NCOR1: variants seen among roughly 807,000 people sequenced by gnomAD.
NCOR1 encodes the protein protein phosphatase 1, regulatory subunit 109.
Under a neutral mutation model 288.1 loss-of-function variants are expected in NCOR1, and 63 were observed. The observed-to-expected ratio is 0.22, with a 90% CI of 0.18 to 0.27. NCOR1 has a LOEUF of 0.27. Ranked by LOEUF, NCOR1 falls within the 10% of genes least tolerant of loss-of-function variation. The pLI is 1.00. For synonymous variants in NCOR1, 1,007 were observed against 1,065.9 expected (o/e 0.94, Z 1.08); for missense variants, 2,397 against 3,019.2 (o/e 0.79, Z 4.83).
chr17:16,086,547 T>C (rs1366190460), intron 22 of NCOR1, 105 bp from the exon 23 acceptor site: 1 of 1,031,262 alleles, frequency 9.7e-7, no homozygotes, highest in Non-Finnish European at 1.4e-6. Flanking sequence ...AATTAAAAAA[T>C]GTAAGATGAA....
rs1555667914 is a variant in NCOR1, at chr17:16,114,160, A to AAAAC, written c.2055+3727_2055+3728insGTTT. Among the ~76,000 whole-genome samples the AAAAC allele has an allele frequency of 3.9e-4, 42 of 106,930 alleles. 1 individual carries two copies. The highest frequency in any genetic ancestry group is 1.2e-3 in the African/African-American group (39 of 31,954). The allele number at this position is 106,930 out of a possible 152,430, so 70.2% of individuals were successfully genotyped here. On this transcript the variant is annotated intron_variant, in intron 18 of 45. Coordinates refer to ENST00000268712, the MANE Select transcript of NCOR1 (RefSeq NM_006311.4). ...GCGGCAGGCAAAAAAAAAAAAAAAA[A>AAAAC]AAAAAAAAACTTGTGCAGGGGAACT...
At position 16,139,033 on chromosome 17, in the gene NCOR1, G is replaced by T. The variant is rs2076814887; in HGVS notation, c.1327C>A (p.His443Asn). 1 of 1,582,292 alleles carries T rather than the reference G, an allele frequency of 6.3e-7. No homozygotes were observed. Among genetic ancestry groups the T allele is most frequent in the South Asian group, 1.2e-5 (1 of 86,530 alleles). ...TTGTCCTTAAAGATCTCCTTTTCAT[G>T]GTCAGTCCAAACATTCATAAACTGC... ...DRQFMNVWTD[H>N]EKEIFKDKFI... is the part of the protein sequence containing the mutation. Residue 443 changes from histidine to asparagine, a missense_variant, in exon 12 of 46, where the codon CAT becomes AAT. Around this residue, in one of 11 missense-constraint regions of NCOR1, gnomAD observed 80 missense variants for 100.3 expected, o/e 0.80. Transcript: ENST00000268712.
intron 23 of NCOR1, among the ~76,000 whole-genome samples, chr17:16,083,108 C>T (rs1167390604): frequency 6.6e-6 from 1 of 152,004 alleles, no homozygotes; most frequent in Non-Finnish European, 1.5e-5. Context: ...TGGCGTGCAC[C>T]TGTAGTCCCA....
chr17:16,192,927 A>G (rs979751328), intron 2 of NCOR1, among the ~76,000 whole-genome samples: 4 of 152,208 alleles, frequency 2.6e-5, no homozygotes, highest in Non-Finnish European at 5.9e-5. Flanking sequence ...GAAGCAAAAG[A>G]GGCCATAGAC....
intron 14 of NCOR1, among the ~76,000 whole-genome samples, chr17:16,132,737 A>G (rs2075823179): frequency 6.6e-6 from 1 of 151,916 alleles, no homozygotes; most frequent in Non-Finnish European, 1.5e-5. Flanking sequence ...CTATAGCAAC[A>G]GGTTTTAAAA....
intron 45 of NCOR1, among the ~76,000 whole-genome samples, chr17:16,033,326 A>G (rs1597509810): frequency 7.7e-6 from 1 of 129,638 alleles, no homozygotes; most frequent in Non-Finnish European, 1.6e-5. Flanking sequence ...CAAGAACGAA[A>G]CTCCGTCTCC....
chr17:16,187,317 C>T (rs547932081), intron 2 of NCOR1, among the ~76,000 whole-genome samples: 32 of 150,724 alleles, frequency 2.1e-4, no homozygotes, highest in Non-Finnish European at 3.5e-4. Context: ...TAGGTATATA[C>T]CCCAAAGAAT....
At chr17:16,172,178 T>C (rs2083253580) in intron 3 of NCOR1, among the ~76,000 whole-genome samples, 183 bp from the exon 4 acceptor site, 1 of 152,126 alleles carries the variant, frequency 6.6e-6, no homozygotes, top group Non-Finnish European at 1.5e-5. Flanking sequence ...CCATTAAACT[T>C]CTAGTCTAAT....
chr17:16,065,839 A>G lies in NCOR1; in HGVS notation c.4742-145T>C, dbSNP rs1260370252. Reference sequence around the variant, plus strand: ...TACTTAGCTACAAGGATTAAGGTGGATTTATTTTAGACCTTGATGTATTAG... The same window carrying G: ...TACTTAGCTACAAGGATTAAGGTGGGTTTATTTTAGACCTTGATGTATTAG... On this transcript the variant is annotated intron_variant, in intron 32 of 45. Transcript: ENST00000268712. The G allele has an allele frequency of 4.4e-6, 3 of 688,024 alleles. No homozygotes were observed. In the East Asian group the frequency reaches 8.1e-5, roughly 19 times the overall value. The allele number at this position is 688,024 out of a possible 1,614,324, so 42.6% of individuals were successfully genotyped here. A position where few individuals can be genotyped will look rare whatever the true frequency, so the allele number is the denominator to read the frequency against.
At chr17:16,038,095 CTT>C (rs2056791272) in intron 44 of NCOR1, among the ~76,000 whole-genome samples, 2 of 151,990 alleles carry the variant, frequency 1.3e-5, no homozygotes, top group Admixed American at 6.6e-5. Context: ...CCTCTAATCT[CTT>C]TAATCTTTTT....
chr17:16,147,070 T>G (rs2078105334), intron 9 of NCOR1, among the ~76,000 whole-genome samples: 1 of 152,158 alleles, frequency 6.6e-6, no homozygotes, highest in African/African-American at 2.4e-5. Flanking sequence ...AACAAACATT[T>G]TGACAGTATG....
intron 4 of NCOR1, 84 bp from the exon 5 acceptor site, chr17:16,165,245 C>T: frequency 9.0e-7 from 1 of 1,109,550 alleles, no homozygotes; most frequent in Non-Finnish European, 1.3e-6. Context: ...CAGTTTTAAA[C>T]CACAGCAGAG....
chr17:16,038,841 G>T (rs943982021), intron 44 of NCOR1, among the ~76,000 whole-genome samples: 1 of 152,132 alleles, frequency 6.6e-6, no homozygotes, highest in African/African-American at 2.4e-5. Flanking sequence ...TGTGATCTCA[G>T]CTCACAGCAA....
chr17:16,042,291 G>A (rs2057861342), intron 42 of NCOR1, among the ~76,000 whole-genome samples: 1 of 114,644 alleles, frequency 8.7e-6, no homozygotes, highest in Non-Finnish European at 1.8e-5. Context: ...GAAGTGTGTG[G>A]AACAGGAGTC....
At chr17:16,213,057 CAA>C (rs34419344) in intron 1 of NCOR1, among the ~76,000 whole-genome samples, 58,170 of 114,692 alleles carry the variant, frequency 0.51, 12,123 homozygotes, top group Middle Eastern at 0.63. Flanking sequence ...ACCCTGTCTC[CAA>C]AAAAAAAAAA....
At chr17:16,178,498 CAAAAAAAAA>C (rs564320622) in intron 3 of NCOR1, among the ~76,000 whole-genome samples, 2 of 32,788 alleles carry the variant, frequency 6.1e-5, no homozygotes, top group African/African-American at 1.1e-4. Flanking sequence ...GACTCCGTCT[CAAAAAAAAA>C]AAAAAAAAAA....
At chr17:16,041,391 GAA>G in intron 42 of NCOR1, 1 of 137,148 alleles carries the variant, frequency 7.3e-6, no homozygotes, top group Admixed American at 7.5e-5. Flanking sequence ...GTGTCCCAAA[GAA>G]TGTGAAAGTT....
At chr17:16,211,897 T>A (rs924214998) in intron 1 of NCOR1, among the ~76,000 whole-genome samples, 1 of 152,130 alleles carries the variant, frequency 6.6e-6, no homozygotes, top group Non-Finnish European at 1.5e-5. Flanking sequence ...AAAGTGCTAA[T>A]AGAAAAAGAA....
Position 16,058,030 on chromosome 17 carries a change from A to G in NCOR1, c.6045T>C (p.His2015=). The change falls in exon 39 of 46, where the codon CAT becomes CAC. Residue 2015 remains histidine (H), a synonymous_variant. Coordinates refer to ENST00000268712, the MANE Select transcript of NCOR1 (RefSeq NM_006311.4). The part of the protein sequence containing the change: ...DPTRQYEGPL[H]HYRPQQESPS... ...GTGATTCCTGCTGTGGTCGATAGTGATGTAATGGTCCTTCATATTGTCTGG... is the reference window on the plus strand; with the variant it reads ...GTGATTCCTGCTGTGGTCGATAGTGGTGTAATGGTCCTTCATATTGTCTGG... The G allele has an allele frequency of 6.2e-7, 1 of 1,614,160 alleles. No individual in the cohort carries two copies. Among genetic ancestry groups the G allele is most frequent in the East Asian group, 2.2e-5 (1 of 44,878 alleles).
Sources: gnomAD v4.1 joint callset for allele counts (sites outside exome capture counted in the v4.1 genomes callset) on GRCh38, gnomAD v4.1.1 for gene constraint, gnomAD v4.1.1 regional missense constraint, MANE v1.5 for transcripts, NCBI Gene and HGNC (gene_info 2026-07-23, HGNC 2026-07-21) for gene names.